Variants in DTNA observed in about 807,000 individuals in gnomAD.
DTNA encodes the protein dystrophin-related protein 3.
In DTNA, 43 loss-of-function variants were observed where a neutral mutation model predicts 100.7. The observed-to-expected ratio is 0.43, with a 90% CI of 0.33 to 0.55. The LOEUF is 0.55. Among genes scored for constraint, DTNA ranks in the 20% least tolerant of loss-of-function variants. The probability of loss-of-function intolerance (pLI) is 0.04; values close to 1 mark genes in which losing one functional copy is unlikely to be tolerated. For missense variants in DTNA, 798 were observed against 953.9 expected (o/e 0.84, Z 2.15); for synonymous variants, 349 against 347.9 (o/e 1.00, Z -0.04).
At chr18:34,571,201 C>T (rs1004792076) in intron 1 of DTNA, among the ~76,000 whole-genome samples, 4 of 152,138 alleles carry the variant, frequency 2.6e-5, no homozygotes, top group Non-Finnish European at 5.9e-5. Flanking sequence ...AGCAAAAGCA[C>T]CCAAGTCTGT....
intron 1 of DTNA, among the ~76,000 whole-genome samples, chr18:34,587,869 G>A (rs529575163): frequency 2.0e-5 from 3 of 152,210 alleles, no homozygotes; most frequent in Admixed American, 6.5e-5. Flanking sequence ...TAGTTTCAGC[G>A]CTGAAAATCC....
intron 1 of DTNA, among the ~76,000 whole-genome samples, chr18:34,655,552 C>T (rs2074253219): frequency 6.6e-6 from 1 of 152,086 alleles, no homozygotes; most frequent in East Asian, 1.9e-4. Context: ...TGCATTTTAC[C>T]CTTGTATCTT....
chr18:34,791,642 G>T (rs1468535168), intron 3 of DTNA, among the ~76,000 whole-genome samples: 1 of 152,002 alleles, frequency 6.6e-6, no homozygotes, highest in East Asian at 1.9e-4. Context: ...ATACAGAAAA[G>T]CTTGCAAATT....
At chr18:34,758,664 GAA>G (rs1176210678) in intron 2 of DTNA, among the ~76,000 whole-genome samples, 1 of 152,180 alleles carries the variant, frequency 6.6e-6, no homozygotes, top group Non-Finnish European at 1.5e-5. Context: ...AGGTTCTTGA[GAA>G]AGACATTCCT....
chr18:34,806,396 G>C (rs754382289), intron 5 of DTNA, 92 bp downstream of exon 5: 176 of 1,035,932 alleles, frequency 1.7e-4, no homozygotes, highest in Non-Finnish European at 2.4e-4. Flanking sequence ...CTCCCCATTT[G>C]TATCTTTCCT....
chr18:34,522,184 C>A (rs573862222), intron 1 of DTNA, among the ~76,000 whole-genome samples: 1 of 152,106 alleles, frequency 6.6e-6, no homozygotes, highest in Non-Finnish European at 1.5e-5. Context: ...TTATAAAGAA[C>A]GGAGCCATGC....
At chr18:34,499,750 G>T (rs994077065) in intron 1 of DTNA, among the ~76,000 whole-genome samples, 1 of 152,004 alleles carries the variant, frequency 6.6e-6, no homozygotes, top group Non-Finnish European at 1.5e-5. Flanking sequence ...CTTTTCATGT[G>T]CCTATTTGTC....
chr18:34,538,258 C>G (rs1190368059), intron 1 of DTNA, among the ~76,000 whole-genome samples: 3 of 152,092 alleles, frequency 2.0e-5, no homozygotes, highest in Admixed American at 6.6e-5. Context: ...CCTACTGAAA[C>G]AGACACTGTG....
At chr18:34,534,246 G>A (rs2043454811) in intron 1 of DTNA, among the ~76,000 whole-genome samples, 1 of 152,076 alleles carries the variant, frequency 6.6e-6, no homozygotes, top group Non-Finnish European at 1.5e-5. Flanking sequence ...CTGATTGGGA[G>A]GCTGAGGCAG....
At chr18:34,516,246 T>C (rs970320397) in intron 1 of DTNA, among the ~76,000 whole-genome samples, 1 of 152,108 alleles carries the variant, frequency 6.6e-6, no homozygotes, top group Non-Finnish European at 1.5e-5. Context: ...AGCAAGTTTT[T>C]ATTAGTGATT....
intron 1 of DTNA, among the ~76,000 whole-genome samples, chr18:34,566,459 T>G (rs1037216584): frequency 6.6e-6 from 1 of 152,142 alleles, no homozygotes; most frequent in African/African-American, 2.4e-5. Context: ...GACAAAGAAA[T>G]TAAACCAATA....
intron 9 of DTNA, chr18:34,821,515 G>A (rs1355795250): frequency 2.2e-6 from 1 of 456,448 alleles, no homozygotes. Flanking sequence ...CCAACAAACA[G>A]TCCTTCCAGC....
At chr18:34,778,605 A>G (rs956592994) in intron 3 of DTNA, among the ~76,000 whole-genome samples, 1 of 152,150 alleles carries the variant, frequency 6.6e-6, no homozygotes, top group Non-Finnish European at 1.5e-5. Context: ...TATCCTGGAA[A>G]TATTGTCTCA....
At chr18:34,562,640 A>G (rs1473762105) in intron 1 of DTNA, among the ~76,000 whole-genome samples, 2 of 152,304 alleles carry the variant, frequency 1.3e-5, no homozygotes, top group African/African-American at 4.8e-5. Context: ...ATGATCACTT[A>G]GGGCAGTACT....
intron 1 of DTNA, among the ~76,000 whole-genome samples, chr18:34,573,730 T>C (rs1046388224): frequency 6.6e-6 from 1 of 152,200 alleles, no homozygotes; most frequent in African/African-American, 2.4e-5. Flanking sequence ...AATCTATTTT[T>C]GTGATTTTCA....
intron 1 of DTNA, among the ~76,000 whole-genome samples, chr18:34,538,682 C>T (rs1247315623): frequency 6.6e-6 from 1 of 151,910 alleles, no homozygotes; most frequent in Non-Finnish European, 1.5e-5. Flanking sequence ...TAGCCCAATG[C>T]CTGATATATG....
intron 1 of DTNA, among the ~76,000 whole-genome samples, chr18:34,723,538 C>T (rs1046609395): frequency 2.0e-5 from 3 of 151,900 alleles, no homozygotes; most frequent in African/African-American, 7.3e-5. Context: ...ATAATTTGTG[C>T]AAAATATGTA....
At chr18:34,584,859 G>C (rs2048972561) in intron 1 of DTNA, among the ~76,000 whole-genome samples, 1 of 151,662 alleles carries the variant, frequency 6.6e-6, no homozygotes, top group Non-Finnish European at 1.5e-5. Context: ...AGCAAGGAAA[G>C]GAACAAAGAA....
intron 13 of DTNA, among the ~76,000 whole-genome samples, chr18:34,847,050 A>G (rs2096392215): frequency 1.3e-5 from 2 of 152,232 alleles, no homozygotes; most frequent in African/African-American, 4.8e-5. Context: ...GATACATACC[A>G]CAATAACCAA....
Sources: allele counts gnomAD v4.1 joint callset (sites outside exome capture counted in the v4.1 genomes callset), GRCh38; gene constraint gnomAD v4.1.1; transcripts MANE v1.5; gene names NCBI Gene and HGNC (gene_info 2026-07-23, HGNC 2026-07-21).